Variants in SBSPON observed in about 807,000 individuals in gnomAD.
SBSPON encodes the protein somatomedin-B and thrombospondin type-1 domain-containing protein.
A neutral mutation model predicts 35.8 loss-of-function variants in SBSPON; 30 were observed. That is an observed-to-expected ratio of 0.84 (90% CI 0.63 to 1.14). The LOEUF (loss-of-function observed/expected upper bound fraction) is 1.14. SBSPON is among the 50% of genes most tolerant of loss of function. The pLI is 0.00. For synonymous variants in SBSPON, 136 were observed against 135.9 expected, an observed-to-expected ratio of 1.00 and a Z score of 0.00; for missense variants, 364 against 357.7, an observed-to-expected ratio of 1.02 and a Z score of -0.14.
intron 1 of SBSPON, among the ~76,000 whole-genome samples, chr8:73,092,326 T>C (rs1464999973): frequency 5.3e-5 from 8 of 152,202 alleles, no homozygotes; most frequent in Non-Finnish European, 7.3e-5. Context: ...TCTTCAGATT[T>C]TTAAGACCTT....
At chr8:73,074,697 G>T in intron 2 of SBSPON, 1 of 386,416 alleles carries the variant, frequency 2.6e-6, no homozygotes, top group Non-Finnish European at 3.5e-6. Context: ...TGCTCTATGT[G>T]AAGTCAGATT....
chr8:73,084,760 AC>A (rs1810789801), intron 1 of SBSPON, among the ~76,000 whole-genome samples: 1 of 74,564 alleles, frequency 1.3e-5, no homozygotes, highest in Non-Finnish European at 2.8e-5. Flanking sequence ...ACACACACAC[AC>A]ACACACACAC....
intron 1 of SBSPON, 110 bp downstream of exon 1, chr8:73,092,744 G>A: frequency 2.5e-6 from 2 of 795,226 alleles, no homozygotes; most frequent in Non-Finnish European, 4.2e-6. Flanking sequence ...GGGATAAAGG[G>A]TCTGGAGGAC....
intron 2 of SBSPON, among the ~76,000 whole-genome samples, chr8:73,075,374 C>G (rs185424770): frequency 2.0e-5 from 3 of 152,318 alleles, no homozygotes; most frequent in Admixed American, 1.3e-4. Context: ...TACACCCCCC[C>G]CAAATTCACT....
intron 2 of SBSPON, among the ~76,000 whole-genome samples, chr8:73,079,385 CG>C: frequency 6.6e-6 from 1 of 152,240 alleles, no homozygotes. Context: ...GCTGTGAGGA[CG>C]TCCTCTCTCA....
At chr8:73,091,398 C>A (rs535158623) in intron 1 of SBSPON, among the ~76,000 whole-genome samples, 82 of 152,164 alleles carry the variant, frequency 5.4e-4, no homozygotes, top group Non-Finnish European at 1.1e-3. Flanking sequence ...AGTAGAAAGT[C>A]CTAGAGAGCA....
Position 73,093,053 on chromosome 8 carries a change from C to G in SBSPON, c.15G>C (p.Trp5Cys). Reference protein sequence around the residue: MRTLWMALCALSRLW... With the variant: MRTLCMALCALSRLW... ...GCCGCGACAGCGCGCACAGCGCCAT[C>G]CACAGGGTCCTCATGGCCAGGGCTC... is the stretch of plus-strand genomic sequence containing the variant. Residue 5 changes from tryptophan to cysteine, a missense_variant, in exon 1 of 5, where the codon TGG (tryptophan) becomes TGC (cysteine). Transcript: ENST00000297354. The G allele has an allele frequency of 7.3e-7, 1 of 1,366,896 alleles. No homozygotes were observed. Among genetic ancestry groups the G allele is most frequent in the South Asian group, 1.9e-5 (1 of 53,346 alleles). The allele number at this position is 1,366,896 out of a possible 1,614,324, so 84.7% of individuals were successfully genotyped here.
At chr8:73,074,655 G>C (rs1243140816) in intron 2 of SBSPON, 11 of 804,546 alleles carry the variant, frequency 1.4e-5, no homozygotes, top group Non-Finnish European at 1.2e-5. Context: ...TTTAAATTTG[G>C]CTTTATTTTC....
In SBSPON at chr8:73,071,853, T is replaced by C; in HGVS notation, c.427A>G (p.Thr143Ala). ...GHTYVPAFIT[T>A]SAFNKERTRQ... ...GTTCTCTCCTTGTTGAATGCAGAGG[T>C]AGTTATAAAGGCAGGAACTGGAAAA... Residue 143 changes from threonine (T) to alanine (A), a missense_variant, in exon 3 of 5, where the codon ACC (threonine) becomes GCC (alanine). By Grantham distance (58) the Thr-to-Ala change is moderately conservative. Coordinates refer to ENST00000297354, the MANE Select transcript of SBSPON (RefSeq NM_153225.4). 1 of 1,607,728 alleles carries C rather than the reference T, an allele frequency of 6.2e-7. No homozygotes were observed. Among genetic ancestry groups the C allele is most frequent in the Non-Finnish European group, 8.5e-7 (1 of 1,174,548 alleles).
In SBSPON at chr8:73,089,213, T is replaced by C. The variant is rs190137672; in HGVS notation, c.214+3641A>G. On this transcript the variant is annotated intron_variant, in intron 1 of 4. Transcript: ENST00000297354. ...CTTTCAAATGTTAGCACTTTTTAGA[T>C]TGGGATTGTCATATGGGTTTGTGGA... 2.6e-5 allele frequency among the ~76,000 whole-genome samples: 4 copies of C among 152,322 alleles called. No individual in the cohort carries two copies. In the East Asian group the frequency reaches 5.8e-4, roughly 22 times the overall value.
intron 4 of SBSPON, among the ~76,000 whole-genome samples, chr8:73,068,596 C>T (rs1000980725): frequency 6.6e-6 from 1 of 152,170 alleles, no homozygotes; most frequent in African/African-American, 2.4e-5. Context: ...AACTGGGATA[C>T]AGGTGCATGA....
chr8:73,067,732 G>A (rs73314472), intron 4 of SBSPON, among the ~76,000 whole-genome samples: 1,255 of 15,678 alleles, frequency 0.08, 37 homozygotes, highest in African/African-American at 0.22. Flanking sequence ...TTGTAGGGAT[G>A]GAGTTTAACT....
Position 73,093,151 on chromosome 8 carries a change from G to T in SBSPON, c.-84C>A. 1.5e-6 allele frequency: 1 copy of T among 681,244 alleles called. No homozygotes were observed. Among genetic ancestry groups the T allele is most frequent in the South Asian group, 6.9e-5 (1 of 14,538 alleles). 42.2% of individuals were successfully genotyped at this position (681,244 alleles called of 1,614,324 possible). ...CTCGGCTGGCCGCGGCCCGGGAGCT[G>T]CCCGAGCGGCCGGCGAGGCACAGCC... On this transcript the variant is annotated 5_prime_UTR_variant, in exon 1 of 5. Transcript: ENST00000297354.
In SBSPON at chr8:73,081,004, T is replaced by C; in HGVS notation, c.409+15A>G. On this transcript the variant is annotated intron_variant, in intron 2 of 4. Coordinates refer to ENST00000297354, the MANE Select transcript of SBSPON (RefSeq NM_153225.4). ...TCACAGATAACAAAGGCAGCAACCA[T>C]GAAAACATCAGTACCATAGGTGTGC... 1 of 1,543,594 alleles carries C rather than the reference T, an allele frequency of 6.5e-7. No homozygotes were observed. The highest frequency in any genetic ancestry group is 8.8e-7 in the Non-Finnish European group (1 of 1,142,510).
rs572430253 is a variant in SBSPON, at chr8:73,081,128, C to G, written c.300G>C (p.Ser100=). 6.2e-7 allele frequency: 1 copy of G among 1,613,440 alleles called. No individual in the cohort carries two copies. Among genetic ancestry groups the G allele is most frequent in the Non-Finnish European group, 8.5e-7 (1 of 1,179,654 alleles). ...CKPTTRVRRR[S]VQQEPQNGGA... is the part of the protein sequence containing the mutation. Reference sequence around the variant, plus strand: ...CGCCGTTCTGAGGCTCCTGCTGCACCGAGCGCCTCCGCACACGGGTTGTAG... The same window carrying G: ...CGCCGTTCTGAGGCTCCTGCTGCACGGAGCGCCTCCGCACACGGGTTGTAG... Residue 100 remains serine (S), a synonymous_variant, in exon 2 of 5, where the codon TCG becomes TCC. Transcript: ENST00000297354.
chr8:73,090,000 C>T (rs1810901755), intron 1 of SBSPON, among the ~76,000 whole-genome samples: 1 of 152,218 alleles, frequency 6.6e-6, no homozygotes, highest in Non-Finnish European at 1.5e-5. Context: ...CCACCTCAGC[C>T]TTCTGGGTAG....
At chr8:73,071,892 T>A (rs1810500123) in intron 2 of SBSPON, 22 bp from the exon 3 acceptor site, 1 of 1,506,954 alleles carries the variant, frequency 6.6e-7, no homozygotes, top group Non-Finnish European at 9.2e-7. Flanking sequence ...AGATTTCTGT[T>A]GAATTCAGGG....
intron 1 of SBSPON, among the ~76,000 whole-genome samples, chr8:73,087,571 T>A (rs187750320): frequency 4.9e-4 from 74 of 152,298 alleles, no homozygotes; most frequent in African/African-American, 1.5e-3. Context: ...CTGTTCTGGT[T>A]CCTGTAAAGC....
At chr8:73,071,972 C>G (rs1810501851) in intron 2 of SBSPON, 102 bp from the exon 3 acceptor site, 1 of 718,136 alleles carries the variant, frequency 1.4e-6, no homozygotes, top group African/African-American at 1.7e-5. Flanking sequence ...CATTCCTAAA[C>G]TCACAGGGCT....
Sources: allele counts gnomAD v4.1 joint callset (sites outside exome capture counted in the v4.1 genomes callset), GRCh38; gene constraint gnomAD v4.1.1; transcripts MANE v1.5; gene names NCBI Gene and HGNC (gene_info 2026-07-23, HGNC 2026-07-21).